TMOD3: variants seen among roughly 807,000 people sequenced by gnomAD.
TMOD3 encodes the protein tropomodulin 3.
TMOD3 carries 20 observed loss-of-function variants against 39.2 expected under a neutral mutation model. The observed-to-expected ratio is 0.51, with a 90% CI of 0.36 to 0.74. The LOEUF is 0.74. Ranked by LOEUF, TMOD3 falls within the 30% of genes least tolerant of loss-of-function variation. The pLI, the probability that TMOD3 is intolerant of heterozygous loss-of-function variation, is 0.00. For synonymous variants in TMOD3, 143 were observed against 145.8 expected (o/e 0.98, Z 0.14); for missense variants, 381 against 412.8 (o/e 0.92, Z 0.67).
In TMOD3 at chr15:51,912,761, T is replaced by A. The variant is rs908168378; in HGVS notation, c.*3951T>A. ...CCATGTCACCCAAGAGAAGCAAACA[T>A]ATGGATGCACTAGAGACAACTCGGG... On this transcript the variant is annotated 3_prime_UTR_variant, in exon 10 of 10. Coordinates refer to ENST00000308580, the MANE Select transcript of TMOD3 (RefSeq NM_014547.5). 8 of 152,152 alleles carry A rather than the reference T, an allele frequency of 5.3e-5. No homozygotes were observed. Among genetic ancestry groups the A allele is most frequent in the Non-Finnish European group, 1.0e-4 (7 of 68,030 alleles). The allele number at this position is 152,152 out of a possible 1,614,324, so 9.4% of individuals were successfully genotyped here.
chr15:51,908,988 C>A lies in TMOD3; in HGVS notation c.*178C>A. On this transcript the variant is annotated 3_prime_UTR_variant, in exon 10 of 10. Coordinates refer to ENST00000308580, the MANE Select transcript of TMOD3 (RefSeq NM_014547.5). ...AATCAGTAATGTGATATTTTATATT[C>A]TGAAACATTTCTACTTTCTGCTAAA... 1 of 423,468 alleles carries A rather than the reference C, an allele frequency of 2.4e-6. No homozygotes were observed. The highest frequency in any genetic ancestry group is 4.2e-6 in the Non-Finnish European group (1 of 237,714). 26.2% of individuals were successfully genotyped at this position (423,468 alleles called of 1,614,324 possible).
At chr15:51,900,384 C>A (rs868117673) in intron 8 of TMOD3, 86 bp downstream of exon 8, 4 of 1,498,158 alleles carry the variant, frequency 2.7e-6, no homozygotes, top group Middle Eastern at 1.8e-4. Flanking sequence ...GGATGGGAGG[C>A]GGGCTGTCAG....
chr15:51,889,104 T>C lies in TMOD3; in HGVS notation c.455T>C (p.Ile152Thr), dbSNP rs1414791683. The change falls in exon 5 of 10, where the codon ATA becomes ACA. Residue 152 changes from isoleucine (I) to threonine (T), a missense_variant. Ile to Thr is a moderately conservative substitution (Grantham distance 89, BLOSUM62 -1). Coordinates refer to ENST00000308580, the MANE Select transcript of TMOD3 (RefSeq NM_014547.5). ...ATAACGAATACAAAGTTCTGTAATA[T>C]AATGGGAAGTAGTAATGGTGTTGAC... ...NLITNTKFCN[I>T]MGSSNGVDQE... The C allele has an allele frequency of 6.2e-7, 1 of 1,600,094 alleles. No homozygotes were observed. The highest frequency in any genetic ancestry group is 8.5e-7 in the Non-Finnish European group (1 of 1,175,432).
intron 1 of TMOD3, among the ~76,000 whole-genome samples, chr15:51,852,653 TG>T (rs1223151599): frequency 6.6e-6 from 1 of 152,082 alleles, no homozygotes; most frequent in African/African-American, 2.4e-5. Flanking sequence ...GATTAGAGTT[TG>T]GGAGCAAGAG....
intron 3 of TMOD3, among the ~76,000 whole-genome samples, chr15:51,881,896 T>C (rs1313057413): frequency 2.0e-5 from 3 of 151,828 alleles, no homozygotes; most frequent in Non-Finnish European, 4.4e-5. Context: ...TTTGTTTTTA[T>C]TTTATTTATT....
At chr15:51,860,515 A>T in intron 1 of TMOD3, 1 of 577,370 alleles carries the variant, frequency 1.7e-6, no homozygotes, top group Admixed American at 1.9e-5. Context: ...GCACTTTCTG[A>T]AGACAAGCAG....
chr15:51,853,035 T>C (rs2056370049), intron 1 of TMOD3, among the ~76,000 whole-genome samples: 1 of 152,176 alleles, frequency 6.6e-6, no homozygotes, highest in Non-Finnish European at 1.5e-5. Flanking sequence ...AAAACTGGCA[T>C]GTAGCAACCA....
chr15:51,846,681 A>G (rs1030338062), intron 1 of TMOD3, among the ~76,000 whole-genome samples: 1 of 152,220 alleles, frequency 6.6e-6, no homozygotes, highest in East Asian at 1.9e-4. Flanking sequence ...GCCACTTCAT[A>G]TCATATTTGG....
chr15:51,896,366 TA>T, intron 6 of TMOD3, 52 bp from the exon 7 acceptor site: 1 of 1,307,976 alleles, frequency 7.6e-7, no homozygotes, highest in Non-Finnish European at 1.1e-6. Context: ...TAATGGAAAC[TA>T]AATATAATGA....
intron 2 of TMOD3, among the ~76,000 whole-genome samples, chr15:51,866,211 T>G (rs2056444765): frequency 6.6e-6 from 1 of 152,142 alleles, no homozygotes; most frequent in South Asian, 2.1e-4. Flanking sequence ...TCCTAGCATT[T>G]TGGGAGGCCA....
In TMOD3 at chr15:51,896,503, C is replaced by T. The variant is rs774263793; in HGVS notation, c.712C>T (p.Arg238Trp). 17 of 1,613,552 alleles carry T rather than the reference C, an allele frequency of 1.1e-5. No individual in the cohort carries two copies. The highest frequency in any genetic ancestry group is 8.8e-5 in the South Asian group (8 of 91,020). The change falls in exon 7 of 10, where the codon CGG becomes TGG. Residue 238 changes from arginine (R) to tryptophan (W), a missense_variant. Arg to Trp is a moderately radical substitution (Grantham distance 101). Coordinates refer to ENST00000308580, the MANE Select transcript of TMOD3 (RefSeq NM_014547.5). ...GAAATGTTTCAGTCTTGCAGCCACC[C>T]GGAGCAATGACCCTGTTGCTACTGT... ...HVKCFSLAAT[R>W]SNDPVATAFA...
At chr15:51,904,036 C>T (rs565039495) in intron 9 of TMOD3, among the ~76,000 whole-genome samples, 49 of 152,328 alleles carry the variant, frequency 3.2e-4, no homozygotes, top group Non-Finnish European at 5.7e-4. Context: ...AAACACACTA[C>T]AGAAAAGTGA....
intron 3 of TMOD3, among the ~76,000 whole-genome samples, chr15:51,877,197 A>AT (rs965851367): frequency 2.0e-5 from 3 of 151,832 alleles, no homozygotes; most frequent in Admixed American, 6.6e-5. Context: ...TGATAGACCG[A>AT]TTTTTTTTCT....
chr15:51,869,122 C>A, intron 2 of TMOD3, 95 bp from the exon 3 acceptor site: 1 of 1,362,948 alleles, frequency 7.3e-7, no homozygotes, highest in Non-Finnish European at 1.0e-6. Flanking sequence ...GTATCACATT[C>A]CAGTCTGTAA....
At position 51,869,468 on chromosome 15, in the gene TMOD3, A is replaced by T. The variant is rs991096707; in HGVS notation, c.283+95A>T. 8.4e-6 allele frequency: 10 copies of T among 1,186,022 alleles called. No homozygotes were observed. In the African/African-American group the frequency reaches 1.4e-4, roughly 17 times the overall value. 73.5% of individuals were successfully genotyped at this position (1,186,022 alleles called of 1,614,324 possible). A position where few individuals can be genotyped will look rare whatever the true frequency, so the allele number is the denominator to read the frequency against. ...AAAATCATATTTTTAGAGGTACATCATTGGTAGCCTTAAATATATGATACT... is the reference window on the plus strand; with the variant it reads ...AAAATCATATTTTTAGAGGTACATCTTTGGTAGCCTTAAATATATGATACT... On this transcript the variant is annotated intron_variant, in intron 3 of 9. Transcript: ENST00000308580.
chr15:51,845,654 A>T (rs1156412381), intron 1 of TMOD3, among the ~76,000 whole-genome samples: 1 of 152,018 alleles, frequency 6.6e-6, no homozygotes, highest in Non-Finnish European at 1.5e-5. Context: ...CTACTCAGTA[A>T]GCTGAGGTGG....
At chr15:51,891,126 C>G (rs888921595) in intron 5 of TMOD3, among the ~76,000 whole-genome samples, 2 of 152,096 alleles carry the variant, frequency 1.3e-5, no homozygotes, top group Non-Finnish European at 2.9e-5. Context: ...CAGATTTCCT[C>G]TGTTCTCTCC....
chr15:51,894,883 A>AC lies in TMOD3; in HGVS notation c.627+940dup, dbSNP rs1198126021. Among the ~76,000 whole-genome samples the AC allele has an allele frequency of 1.1e-4, 16 of 152,182 alleles. 1 individual carries two copies. Among genetic ancestry groups the AC allele is most frequent in the Admixed American group, 8.5e-4 (13 of 15,274 alleles). ...ATGTTTTAAATTCTCTTGAGTAAAC[A>AC]CCTAGGAATAGGCTTTCTGGGATCT... On this transcript the variant is annotated intron_variant, in intron 6 of 9. Transcript: ENST00000308580.
intron 2 of TMOD3, among the ~76,000 whole-genome samples, chr15:51,864,000 T>C (rs887732876): frequency 2.0e-5 from 3 of 152,110 alleles, no homozygotes; most frequent in African/African-American, 7.2e-5. Context: ...GGCTGGGTGC[T>C]CACGCCTATA....
Sources: gnomAD v4.1 joint callset for allele counts (sites outside exome capture counted in the v4.1 genomes callset) on GRCh38, gnomAD v4.1.1 for gene constraint, MANE v1.5 for transcripts, NCBI Gene and HGNC (gene_info 2026-07-23, HGNC 2026-07-21) for gene names.